The following USH2A variants were observed in gnomAD, a reference collection of about 807,000 sequenced individuals.
USH2A encodes Usher syndrome 2A (autosomal recessive, mild).
USH2A carries 443 observed loss-of-function variants against 538.9 expected under a neutral mutation model. The observed-to-expected ratio is 0.82, with a 90% CI of 0.76 to 0.89. The LOEUF (loss-of-function observed/expected upper bound fraction) is 0.89, where lower values mean the gene tolerates loss of function less well. Ranked by LOEUF, USH2A falls within the 40% of genes least tolerant of loss-of-function variation. USH2A has a pLI of 0.00. For synonymous variants in USH2A, 2,413 were observed against 2,273.5 expected (o/e 1.06, Z -1.75); for missense variants, 6,633 against 6,324.8 (o/e 1.05, Z -1.65).
intron 21 of USH2A, among the ~76,000 whole-genome samples, chr1:216,123,968 A>T (rs1204473710): frequency 1.3e-5 from 2 of 152,168 alleles, no homozygotes; most frequent in African/African-American, 2.4e-5. Context: ...CTCTACAGCT[A>T]TAAACCAGGC....
At chr1:216,035,351 A>G (rs1037768641) in intron 32 of USH2A, among the ~76,000 whole-genome samples, 1 of 152,200 alleles carries the variant, frequency 6.6e-6, no homozygotes, top group Non-Finnish European at 1.5e-5. Context: ...TTATGTGAAG[A>G]TGATGGCAGA....
chr1:216,096,307 A>T (rs60354981), intron 22 of USH2A, among the ~76,000 whole-genome samples: 15 of 152,050 alleles, frequency 9.9e-5, no homozygotes, highest in Admixed American at 9.8e-4. Flanking sequence ...AATATTTGCT[A>T]TTTCCTTAAT....
rs901750178 is a variant in USH2A at position 215,856,772 on chromosome 1, A to G, written c.8845+10235T>C. On this transcript the variant is annotated intron_variant, in intron 44 of 71. Transcript: ENST00000307340. ...CATGTTTATAGCAGCACAGTTCACAATTGTGAAAACATGGAACCAGCCCAA... is the reference window on the plus strand; with the variant it reads ...CATGTTTATAGCAGCACAGTTCACAGTTGTGAAAACATGGAACCAGCCCAA... 7.2e-5 allele frequency among the ~76,000 whole-genome samples: 11 copies of G among 152,122 alleles called. No individual in the cohort carries two copies. In the Middle Eastern group the frequency reaches 0.017, roughly 235 times the overall value.
chr1:216,050,560 T>TTTTCTTTCTTTCTCTTTCTTTC (rs779228264), intron 30 of USH2A, among the ~76,000 whole-genome samples: 16 of 35,696 alleles, frequency 4.5e-4, no homozygotes, highest in African/African-American at 1.0e-3. Flanking sequence ...ATTTGTATCT[T>TTTTCTTTCTTTCTCTTTCTTTC]TTTCTTTCTT....
intron 54 of USH2A, among the ~76,000 whole-genome samples, chr1:215,781,198 T>C (rs901385016): frequency 3.3e-5 from 5 of 152,150 alleles, no homozygotes; most frequent in African/African-American, 1.2e-4. Flanking sequence ...CAACTTCCCA[T>C]ACAGATCTTT....
Position 215,972,061 on chromosome 1 carries a change from G to A in USH2A, c.6806-1285C>T, listed in dbSNP as rs370428419. On this transcript the variant is annotated intron_variant, in intron 35 of 71. Coordinates refer to ENST00000307340, the MANE Select transcript of USH2A (RefSeq NM_206933.4). ...TAAGAAGGTGATTCATCTGACGTCC[G>A]CCCCAGCTACACATCCACGCTTCTA... Among the ~76,000 whole-genome samples, 360 of 152,212 alleles carry A rather than the reference G, an allele frequency of 2.4e-3. 1 individual carries two copies. The highest frequency in any genetic ancestry group is 3.9e-3 in the Non-Finnish European group (262 of 68,002).
At position 216,386,483 on chromosome 1, in the gene USH2A, TCAAAAAAACAAA is replaced by T. The variant is rs1489733785; in HGVS notation, c.652-21410_652-21399del. 1.8e-3 allele frequency among the ~76,000 whole-genome samples: 172 copies of T among 93,730 alleles called. No homozygotes were observed. The Middle Eastern group carries it at 0.068, about 37-fold the overall frequency. The allele number at this position is 93,730 out of a possible 152,430, so 61.5% of individuals were successfully genotyped here. A position where few individuals can be genotyped will look rare whatever the true frequency, so the allele number is the denominator to read the frequency against. ...CCTGGGCGACAGAGCGAGACTCGTC[TCAAAAAAACAAA>T]CAAACAAACAAACAAACAAACAAAC... On this transcript the variant is annotated intron_variant, in intron 3 of 71. Coordinates refer to ENST00000307340, the MANE Select transcript of USH2A (RefSeq NM_206933.4).
At chr1:215,807,121 A>G (rs76824242) in intron 49 of USH2A, among the ~76,000 whole-genome samples, 5,461 of 152,160 alleles carry the variant, frequency 0.036, 175 homozygotes, top group East Asian at 0.15. Flanking sequence ...GAAAGGCTCA[A>G]CTGGTCATTG....
intron 41 of USH2A, among the ~76,000 whole-genome samples, chr1:215,885,560 C>G (rs1047049318): frequency 1.3e-5 from 2 of 152,090 alleles, no homozygotes; most frequent in Non-Finnish European, 2.9e-5. Context: ...TGACACAACT[C>G]TTTGACATTA....
intron 61 of USH2A, among the ~76,000 whole-genome samples, chr1:215,724,203 A>T (rs1015616133): frequency 7.6e-6 from 1 of 132,364 alleles, no homozygotes; most frequent in Admixed American, 8.9e-5. Context: ...ATATATATGG[A>T]TATATATAGA....
Position 215,648,553 on chromosome 1 carries a change from T to C in USH2A, c.14557A>G (p.Met4853Val), listed in dbSNP as rs753594462. 22 of 1,613,942 alleles carry C rather than the reference T, an allele frequency of 1.4e-5. No individual in the cohort carries two copies. The East Asian group carries it at 4.5e-4, about 33-fold the overall frequency. The change falls in exon 66 of 72, where the codon ATG becomes GTG. Residue 4853 changes from methionine (M) to valine (V), a missense_variant. By Grantham distance (21) the Met-to-Val change is conservative. Coordinates refer to ENST00000307340, the MANE Select transcript of USH2A (RefSeq NM_206933.4). The part of the protein sequence containing the change: ...RTASFRWSPP[M>V]FPNGVIHSYE... ...CTGTGAATGACACCATTGGGGAACA[T>C]GGGGGGACTCCACCGGAAGGAGGCC...
intron 32 of USH2A, among the ~76,000 whole-genome samples, chr1:216,044,113 T>C (rs995800551): frequency 2.0e-5 from 3 of 152,128 alleles, no homozygotes; most frequent in African/African-American, 7.2e-5. Flanking sequence ...TTAATGATCA[T>C]TATGGTTCAG....
chr1:216,043,091 G>T (rs917840260), intron 32 of USH2A, among the ~76,000 whole-genome samples: 6 of 152,004 alleles, frequency 3.9e-5, no homozygotes, highest in African/African-American at 1.4e-4. Context: ...AGGTGTTCTG[G>T]GGTCTTTCTT....
At chr1:215,830,800 C>G (rs1663292458) in intron 47 of USH2A, among the ~76,000 whole-genome samples, 1 of 152,082 alleles carries the variant, frequency 6.6e-6, no homozygotes, top group African/African-American at 2.4e-5. Context: ...TGTGCAGACA[C>G]AGAGTAGTAA....
Position 216,321,777 on chromosome 1 carries a change from T to C in USH2A, c.1644+106A>G, listed in dbSNP as rs1571698760. 8 of 1,066,996 alleles carry C rather than the reference T, an allele frequency of 7.5e-6. No homozygotes were observed. The East Asian group carries it at 1.9e-4, about 26-fold the overall frequency. The allele number at this position is 1,066,996 out of a possible 1,614,324, so 66.1% of individuals were successfully genotyped here. On this transcript the variant is annotated intron_variant, in intron 9 of 71. Transcript: ENST00000307340. The stretch of plus-strand genomic sequence containing the variant: ...ATTGACATTTTAAGTTCATATCAGT[T>C]TTTAAATTTATTTTCATTTGTTAGG...
chr1:216,243,845 T>C (rs1357069007), intron 13 of USH2A, among the ~76,000 whole-genome samples: 3 of 152,168 alleles, frequency 2.0e-5, no homozygotes, highest in Middle Eastern at 3.2e-3. Flanking sequence ...TCTTAACTCA[T>C]TGACTTCATT....
intron 37 of USH2A, among the ~76,000 whole-genome samples, chr1:215,936,578 T>C (rs1228610047): frequency 1.3e-5 from 2 of 152,086 alleles, no homozygotes; most frequent in Non-Finnish European, 2.9e-5. Context: ...ATCCAGCACA[T>C]AATAGTTGCT....
At chr1:215,743,574 A>T (rs904964426) in intron 58 of USH2A, among the ~76,000 whole-genome samples, 4 of 151,462 alleles carry the variant, frequency 2.6e-5, no homozygotes, top group Non-Finnish European at 5.9e-5. Flanking sequence ...CATGCCTGTA[A>T]TCCCAGCACT....
chr1:215,837,919 G>T, intron 47 of USH2A, 72 bp downstream of exon 47: 2 of 1,215,852 alleles, frequency 1.6e-6, no homozygotes, highest in Non-Finnish European at 2.4e-6. Context: ...TGGCTGAGAG[G>T]ATACCTTTGA....
Sources: allele counts gnomAD v4.1 joint callset (sites outside exome capture counted in the v4.1 genomes callset), GRCh38; gene constraint gnomAD v4.1.1; transcripts MANE v1.5; gene names NCBI Gene and HGNC (gene_info 2026-07-23, HGNC 2026-07-21).